Variants in EIF4E3 observed in about 807,000 individuals in gnomAD.
The protein encoded by EIF4E3 is eukaryotic translation initiation factor 4E family member 3, also known as eukaryotic translation initiation factor 4E type 3.
A neutral mutation model predicts 31.7 loss-of-function variants in EIF4E3; 26 were observed. The ratio of observed to expected loss-of-function variants is 0.82; its 90% CI spans 0.60 to 1.14. The LOEUF is 1.14. EIF4E3 is among the 50% of genes most tolerant of loss of function. EIF4E3 has a pLI of 0.00. For missense variants in EIF4E3, 304 were observed against 270.9 expected (o/e 1.12, Z -0.86); for synonymous variants, 128 against 107.7 (o/e 1.19, Z -1.17).
chr3:71,754,059 G>A (rs774289823), upstream of EIF4E3: 4 of 1,274,578 alleles, frequency 3.1e-6, no homozygotes, highest in South Asian at 5.0e-5. The surrounding 1 kb of genome is among the most constrained non-coding windows in gnomAD (Gnocchi z 5.8). Flanking sequence ...GATGGCGAAC[G>A]CGAGCGAGCC....
upstream of EIF4E3, among the ~76,000 whole-genome samples, chr3:71,729,663 G>C (rs987949485): frequency 2.0e-5 from 3 of 152,154 alleles, no homozygotes; most frequent in African/African-American, 7.2e-5. Context: ...TAAATGTCAG[G>C]CGTTCATTCA....
intron 2 of EIF4E3, among the ~76,000 whole-genome samples, chr3:71,701,979 T>C (rs2049224017): frequency 6.6e-6 from 1 of 152,208 alleles, no homozygotes. Flanking sequence ...AATAAGATTA[T>C]TCCAATATTT....
At chr3:71,750,582 C>T (rs766153948) in intron 1 of EIF4E3, among the ~76,000 whole-genome samples, 6 of 152,134 alleles carry the variant, frequency 3.9e-5, no homozygotes, top group Non-Finnish European at 7.3e-5. Context: ...ACAGTTATAA[C>T]AAAGAGGCAG....
At chr3:71,754,643 C>T (rs750334571), upstream of EIF4E3, 8 of 1,490,880 alleles carry the variant, frequency 5.4e-6, no homozygotes, top group African/African-American at 1.0e-4. The surrounding 1 kb of genome is among the most constrained non-coding windows in gnomAD (Gnocchi z 5.8). Flanking sequence ...GCGCCACGCA[C>T]CTCGTCTACC....
the EIF4E3 span, among the ~76,000 whole-genome samples, chr3:71,666,578 TC>T: frequency 6.6e-6 from 1 of 152,104 alleles, no homozygotes; most frequent in Non-Finnish European, 1.5e-5. Flanking sequence ...AAGGGACTCC[TC>T]CCTAACTCAT....
intron 1 of EIF4E3, among the ~76,000 whole-genome samples, chr3:71,741,306 A>T (rs1012392074): frequency 5.3e-5 from 8 of 152,274 alleles, no homozygotes; most frequent in African/African-American, 1.9e-4. Context: ...CAATGAAATA[A>T]TTTTTAAAGT....
intron 6 of EIF4E3, among the ~76,000 whole-genome samples, chr3:71,689,790 T>C (rs976622643): frequency 3.9e-5 from 6 of 152,084 alleles, no homozygotes; most frequent in African/African-American, 1.4e-4. Flanking sequence ...TTTCGTTTTC[T>C]GATCCACGCA....
chr3:71,714,985 C>T (rs2049442855), intron 1 of EIF4E3, among the ~76,000 whole-genome samples: 3 of 152,236 alleles, frequency 2.0e-5, no homozygotes, highest in Admixed American at 2.0e-4. Context: ...CTTTTCCTTT[C>T]ATTCATGTTA....
chr3:71,684,972 T>C (rs1302345076), intron 6 of EIF4E3, among the ~76,000 whole-genome samples: 1 of 152,206 alleles, frequency 6.6e-6, no homozygotes, highest in Non-Finnish European at 1.5e-5. Flanking sequence ...CTGTTTCTTC[T>C]TGCTGTGCCT....
At chr3:71,670,456 C>T (rs1053703201), downstream of EIF4E3, among the ~76,000 whole-genome samples, 1 of 152,148 alleles carries the variant, frequency 6.6e-6, no homozygotes, top group Non-Finnish European at 1.5e-5. Context: ...TCGTCTCAGC[C>T]CCAAGCAGCC....
chr3:71,665,014 C>T, the EIF4E3 span, among the ~76,000 whole-genome samples: 2 of 152,326 alleles, frequency 1.3e-5, no homozygotes, highest in Admixed American at 1.3e-4. Context: ...TTTTAAATTA[C>T]ATCAGACATA....
chr3:71,733,937 A>G (rs1159495230), intron 1 of EIF4E3, among the ~76,000 whole-genome samples: 4 of 152,232 alleles, frequency 2.6e-5, no homozygotes, highest in Admixed American at 1.3e-4. Flanking sequence ...TGCAAAATGC[A>G]CCATTCAGAA....
At chr3:71,660,041 C>T in the EIF4E3 span, among the ~76,000 whole-genome samples, 2 of 152,220 alleles carry the variant, frequency 1.3e-5, no homozygotes, top group African/African-American at 4.8e-5. Context: ...GGATCAGAGT[C>T]TGTATTTTAA....
At chr3:71,748,717 G>A (rs557083182) in intron 1 of EIF4E3, among the ~76,000 whole-genome samples, 10 of 152,172 alleles carry the variant, frequency 6.6e-5, no homozygotes, top group South Asian at 2.1e-4. Flanking sequence ...ACACACATGC[G>A]CGCACTATCC....
At chr3:71,707,407 G>T (rs2049308674) in intron 2 of EIF4E3, among the ~76,000 whole-genome samples, 1 of 152,192 alleles carries the variant, frequency 6.6e-6, no homozygotes, top group Non-Finnish European at 1.5e-5. Context: ...TAACACTTAA[G>T]TAAAAGCTGG....
At chr3:71,731,573 G>T (rs2049706869) in intron 1 of EIF4E3, among the ~76,000 whole-genome samples, 1 of 152,218 alleles carries the variant, frequency 6.6e-6, no homozygotes, top group African/African-American at 2.4e-5. Context: ...AGTGCCTAGT[G>T]CAGGGCCTGT....
chr3:71,721,217 G>A (rs1490195295), intron 1 of EIF4E3, among the ~76,000 whole-genome samples: 1 of 152,196 alleles, frequency 6.6e-6, no homozygotes, highest in Non-Finnish European at 1.5e-5. Flanking sequence ...ACTGCGGGTA[G>A]AATTCAACAA....
intron 2 of EIF4E3, among the ~76,000 whole-genome samples, chr3:71,706,364 A>C (rs1385791827): frequency 6.6e-6 from 1 of 152,184 alleles, no homozygotes; most frequent in African/African-American, 2.4e-5. Flanking sequence ...ATCTACTTTG[A>C]TTTGCTAAAG....
chr3:71,686,543 AGTGT>A (rs61264269), intron 6 of EIF4E3, among the ~76,000 whole-genome samples: 3,858 of 143,568 alleles, frequency 0.027, 84 homozygotes, highest in East Asian at 0.12. Context: ...TTTCACATTG[AGTGT>A]GTGTGTGTGT....
Sources: allele counts gnomAD v4.1 joint callset (sites outside exome capture counted in the v4.1 genomes callset), GRCh38; gene constraint gnomAD v4.1.1; non-coding constraint Gnocchi (gnomAD v3.1); transcripts MANE v1.5; gene names NCBI Gene and HGNC (gene_info 2026-07-23, HGNC 2026-07-21).